The following RBFOX1 variants were observed in gnomAD, a reference collection of about 807,000 sequenced individuals.
RBFOX1 encodes the protein RNA binding protein fox-1 homolog 1.
In RBFOX1, 8 loss-of-function variants were observed where a neutral mutation model predicts 57.7. That is an observed-to-expected ratio of 0.14 (90% CI 0.08 to 0.25). The LOEUF is 0.25. Ranked by LOEUF, RBFOX1 falls within the 10% of genes least tolerant of loss-of-function variation. RBFOX1 has a pLI of 1.00. For synonymous variants in RBFOX1, 326 were observed against 222.4 expected, an observed-to-expected ratio of 1.47 and a Z score of -4.15; for missense variants, 611 against 548.5, an observed-to-expected ratio of 1.11 and a Z score of -1.14.
At chr16:6,516,030 G>T (rs1166390781) in intron 2 of RBFOX1, among the ~76,000 whole-genome samples, 1 of 152,016 alleles carries the variant, frequency 6.6e-6, no homozygotes, top group East Asian at 1.9e-4. Flanking sequence ...TTGAGACAGA[G>T]TCTTGCTCTG....
chr16:5,883,273 T>C (rs72769068), intron 4 of RBFOX1, among the ~76,000 whole-genome samples: 25,897 of 152,232 alleles, frequency 0.17, 2,515 homozygotes, highest in Non-Finnish European at 0.22. Flanking sequence ...ATATTTCAGA[T>C]ATATTTTAAA....
At chr16:5,245,767 AC>A (rs1567230492) in intron 1 of RBFOX1, among the ~76,000 whole-genome samples, 1 of 145,980 alleles carries the variant, frequency 6.9e-6, no homozygotes, top group Non-Finnish European at 1.5e-5. Context: ...ATATTTTCAA[AC>A]ACATTTTACT....
chr16:6,704,524 C>G (rs949175741), intron 3 of RBFOX1: 1 of 152,248 alleles, frequency 6.6e-6, no homozygotes, highest in Non-Finnish European at 1.5e-5. Context: ...GTATTCTACA[C>G]CCCCCTTGGG....
At chr16:7,696,070 G>A (rs978152213) in intron 14 of RBFOX1, among the ~76,000 whole-genome samples, 13 of 152,180 alleles carry the variant, frequency 8.5e-5, no homozygotes, top group Admixed American at 8.5e-4. Flanking sequence ...TGGGTCTTGT[G>A]TCGAGAGTGC....
intron 1 of RBFOX1, among the ~76,000 whole-genome samples, chr16:5,402,699 T>C (rs13380434): frequency 0.092 from 14,018 of 152,176 alleles, 1,990 homozygotes; most frequent in African/African-American, 0.31. Flanking sequence ...TTTTGAGCCT[T>C]CCTTAAAACC....
chr16:5,931,678 T>TCCTGAATCTTACAGTTTGGAGC (rs1487049382), intron 4 of RBFOX1, among the ~76,000 whole-genome samples: 1 of 152,126 alleles, frequency 6.6e-6, no homozygotes, highest in African/African-American at 2.4e-5. Flanking sequence ...GTTTTGTGGG[T>TCCTGAATCTTACAGTTTGGAGC]CCTGAATCTT....
chr16:6,822,966 C>G (rs557492815), intron 3 of RBFOX1, among the ~76,000 whole-genome samples: 3 of 152,166 alleles, frequency 2.0e-5, no homozygotes, highest in Admixed American at 6.6e-5. Flanking sequence ...GGACAAAAAA[C>G]GATGATCCCT....
Position 6,067,155 on chromosome 16 carries a change from G to T in RBFOX1, c.-127+47163G>T, listed in dbSNP as rs566436142. 7.2e-5 allele frequency among the ~76,000 whole-genome samples: 11 copies of T among 152,212 alleles called. No individual in the cohort carries two copies. In the South Asian group the frequency reaches 1.9e-3, roughly 26 times the overall value. On this transcript the variant is annotated intron_variant, in intron 1 of 15. Transcript: ENST00000550418. ...AAATTTTGTGCATTGCTAAGTTCATGGTGCTTCTGTAAGAAGACATTAAAA... is the reference window on the plus strand; with the variant it reads ...AAATTTTGTGCATTGCTAAGTTCATTGTGCTTCTGTAAGAAGACATTAAAA...
chr16:5,434,317 C>CTTTTTTTTTTTTTTTT (rs5815245), intron 1 of RBFOX1, among the ~76,000 whole-genome samples: 3 of 79,730 alleles, frequency 3.8e-5, no homozygotes, highest in African/African-American at 1.5e-4. Flanking sequence ...TGCTGAAGTC[C>CTTTTTTTTTTTTTTTT]TTTTTTTTTT....
chr16:7,075,927 A>G (rs1268039172), intron 4 of RBFOX1, among the ~76,000 whole-genome samples: 1 of 151,582 alleles, frequency 6.6e-6, no homozygotes, highest in Admixed American at 6.6e-5. Context: ...CTGAATAACC[A>G]TGGCTTTATT....
At chr16:7,568,640 C>G (rs2092398991) in intron 5 of RBFOX1, among the ~76,000 whole-genome samples, 1 of 151,952 alleles carries the variant, frequency 6.6e-6, no homozygotes, top group Non-Finnish European at 1.5e-5. Flanking sequence ...AATCCCAGCA[C>G]TGTGGGAGGC....
intron 2 of RBFOX1, among the ~76,000 whole-genome samples, chr16:6,478,087 C>A (rs181046571): frequency 2.4e-4 from 36 of 152,150 alleles, no homozygotes; most frequent in Admixed American, 2.0e-3. Context: ...ACTAATACTC[C>A]ACACCAGCAA....
At chr16:5,656,849 G>A (rs576458471) in intron 3 of RBFOX1, among the ~76,000 whole-genome samples, 5 of 152,186 alleles carry the variant, frequency 3.3e-5, no homozygotes, top group African/African-American at 7.2e-5. Context: ...ACCAAATACC[G>A]CATGTTCTCA....
Position 5,279,926 on chromosome 16 carries a change from A to G in RBFOX1, c.219+39821A>G, listed in dbSNP as rs551075598. 5.6e-4 allele frequency among the ~76,000 whole-genome samples: 85 copies of G among 152,170 alleles called. 1 individual carries two copies. The highest frequency in any genetic ancestry group is 1.5e-3 in the Admixed American group (23 of 15,292). ...CTCTTGTCCAGTTTGGATGCCTTTT[A>G]TTTCTTTATCTTGTCTGATCACTCT... On this transcript the variant is annotated intron_variant, in intron 1 of 2. Transcript: ENST00000585867.
chr16:7,587,253 G>C lies in RBFOX1; in HGVS notation c.421G>C (p.Gly141Arg). The change falls in exon 7 of 16, where the codon GGT becomes CGT. Residue 141 changes from glycine (G) to arginine (R), a missense_variant. Around this residue, in one of 3 missense-constraint regions of RBFOX1, gnomAD observed 99 missense variants for 160.3 expected, o/e 0.62. Transcript: ENST00000550418. ...TATTTCTATTTCTTTGCAGCAATTT[G>C]GTAAAATCTTAGATGTTGAAATTAT... ...PDLRQMFGQF[G>R]KILDVEIIFN... 6.4e-7 allele frequency: 1 copy of C among 1,566,666 alleles called. No individual in the cohort carries two copies. The highest frequency in any genetic ancestry group is 1.9e-5 in the Admixed American group (1 of 53,434).
chr16:6,218,404 G>T (rs2097350261), intron 1 of RBFOX1, among the ~76,000 whole-genome samples: 2 of 152,078 alleles, frequency 1.3e-5, no homozygotes, highest in Admixed American at 1.3e-4. Flanking sequence ...TGCCTCCAGG[G>T]TTCAAGTGAT....
At chr16:7,194,494 T>A (rs768280573) in intron 4 of RBFOX1, among the ~76,000 whole-genome samples, 65 of 152,266 alleles carry the variant, frequency 4.3e-4, no homozygotes, top group South Asian at 8.3e-4. Context: ...TCTAGCTCTT[T>A]GGGGCTAAAG....
At chr16:5,626,585 C>T (rs1283527213) in intron 3 of RBFOX1, among the ~76,000 whole-genome samples, 1 of 152,190 alleles carries the variant, frequency 6.6e-6, no homozygotes, top group South Asian at 2.1e-4. Flanking sequence ...TACCCCTGTT[C>T]CTTCCTCTCC....
intron 1 of RBFOX1, among the ~76,000 whole-genome samples, chr16:6,166,764 G>A (rs894725218): frequency 6.6e-6 from 1 of 151,890 alleles, no homozygotes; most frequent in Non-Finnish European, 1.5e-5. Flanking sequence ...CCAGCCCCGT[G>A]GGGTTTTTGT....
Sources: gnomAD v4.1 joint callset for allele counts (sites outside exome capture counted in the v4.1 genomes callset) on GRCh38, gnomAD v4.1.1 for gene constraint, gnomAD v4.1.1 regional missense constraint, MANE v1.5 for transcripts, NCBI Gene and HGNC (gene_info 2026-07-23, HGNC 2026-07-21) for gene names.